Variants in CEP135 observed in about 807,000 individuals in gnomAD.
The protein encoded by CEP135 is centrosomal protein 135, also known as centrosomal protein of 135 kDa.
Under a neutral mutation model 157.3 loss-of-function variants are expected in CEP135, and 142 were observed. The ratio of observed to expected loss-of-function variants is 0.90; its 90% CI spans 0.79 to 1.04. The LOEUF (loss-of-function observed/expected upper bound fraction) is 1.04. Ranked by LOEUF, CEP135 falls within the 50% of genes least tolerant of loss-of-function variation. The pLI, the probability that CEP135 is intolerant of heterozygous loss-of-function variation, is 0.00. For missense variants in CEP135, 1,317 were observed against 1,309.2 expected, an observed-to-expected ratio of 1.01 and a Z score of -0.09; for synonymous variants, 396 against 439.8, an observed-to-expected ratio of 0.90 and a Z score of 1.25.
chr4:55,990,407 T>G (rs1384871050), intron 14 of CEP135, among the ~76,000 whole-genome samples: 1 of 152,178 alleles, frequency 6.6e-6, no homozygotes, highest in Non-Finnish European at 1.5e-5. Flanking sequence ...TAAATGTAGG[T>G]CATTTTCCCA....
chr4:55,985,350 AATC>A lies in CEP135; in HGVS notation c.1854_1856del (p.His618del), dbSNP rs767962620. The A allele has an allele frequency of 1.9e-6, 3 of 1,578,834 alleles. No homozygotes were observed. The highest frequency in any genetic ancestry group is 1.3e-5 in the African/African-American group (1 of 74,328). Reference sequence around the variant, plus strand: ...AACTATTGAACATTTGACATGTGTTAATCATCAGGTAATGTATCAAACTGGATT... The same window carrying A: ...AACTATTGAACATTTGACATGTGTTAATCAGGTAATGTATCAAACTGGATT... On this transcript the variant is annotated inframe_deletion, in exon 14 of 26. Coordinates refer to ENST00000257287, the MANE Select transcript of CEP135 (RefSeq NM_025009.5).
At chr4:55,951,529 G>A (rs961881898) in intron 1 of CEP135, among the ~76,000 whole-genome samples, 6 of 152,156 alleles carry the variant, frequency 3.9e-5, no homozygotes, top group Admixed American at 1.3e-4. Flanking sequence ...AGACACCTAT[G>A]CGAGGTGTCT....
rs776861173 is a variant in CEP135, at chr4:55,965,663, C to T, written c.848C>T (p.Ala283Val). The T allele has an allele frequency of 2.5e-6, 4 of 1,606,950 alleles. No homozygotes were observed. In the Admixed American group the frequency reaches 5.1e-5, roughly 21 times the overall value. Residue 283 changes from alanine to valine, a missense_variant, in exon 8 of 26, where the codon GCT becomes GTT. Transcript: ENST00000257287. ...ATTTAGGTTGACTTTCTTCAGCAAGCTAATAAAGACCTGGAGAAGCGTATA... is the reference window on the plus strand; with the variant it reads ...ATTTAGGTTGACTTTCTTCAGCAAGTTAATAAAGACCTGGAGAAGCGTATA... ...LNIQVDFLQQANKDLEKRIRE... is the reference protein window; with the variant it reads ...LNIQVDFLQQVNKDLEKRIRE...
intron 17 of CEP135, among the ~76,000 whole-genome samples, chr4:56,001,551 A>T (rs558662039): frequency 5.9e-5 from 9 of 152,320 alleles, no homozygotes; most frequent in African/African-American, 2.2e-4. Context: ...ATCTTGTTGA[A>T]AATGAGTTGG....
At chr4:55,995,586 A>G (rs1187318924) in intron 15 of CEP135, among the ~76,000 whole-genome samples, 1 of 152,230 alleles carries the variant, frequency 6.6e-6, no homozygotes, top group Non-Finnish European at 1.5e-5. Flanking sequence ...TGTGGTATGG[A>G]CACTGAAATT....
intron 17 of CEP135, among the ~76,000 whole-genome samples, chr4:56,003,788 A>T (rs1025567044): frequency 6.6e-6 from 1 of 151,598 alleles, no homozygotes; most frequent in Non-Finnish European, 1.5e-5. Context: ...TAGCAAGATC[A>T]TGGCTCATTG....
intron 6 of CEP135, among the ~76,000 whole-genome samples, chr4:55,962,395 C>T (rs543475635): frequency 7.9e-5 from 12 of 152,156 alleles, no homozygotes; most frequent in Admixed American, 3.3e-4. Flanking sequence ...CCACTATGCC[C>T]GGCCAAAAAA....
intron 7 of CEP135, chr4:55,965,175 G>A (rs1369171705): frequency 6.6e-6 from 1 of 152,494 alleles, no homozygotes; most frequent in African/African-American, 2.4e-5. Context: ...ACCCCAGTAT[G>A]TCCAAAATAT....
At chr4:55,967,314 A>G (rs982213146) in intron 8 of CEP135, among the ~76,000 whole-genome samples, 2 of 152,212 alleles carry the variant, frequency 1.3e-5, no homozygotes, top group African/African-American at 2.4e-5. Context: ...TTTATTGGAA[A>G]TACATCTCTT....
intron 13 of CEP135, among the ~76,000 whole-genome samples, chr4:55,983,490 C>T (rs1427798833): frequency 1.3e-5 from 2 of 152,154 alleles, no homozygotes; most frequent in Non-Finnish European, 2.9e-5. Context: ...CCTGAAAGCT[C>T]ATATCTCTCA....
At chr4:56,000,054 G>T (rs1454177472) in intron 17 of CEP135, among the ~76,000 whole-genome samples, 1 of 152,056 alleles carries the variant, frequency 6.6e-6, no homozygotes, top group African/African-American at 2.4e-5. Flanking sequence ...AGCTAGGTGT[G>T]GTGGTGTGCA....
At chr4:55,977,929 GATAA>G (rs576382881) in intron 11 of CEP135, among the ~76,000 whole-genome samples, 4 of 152,272 alleles carry the variant, frequency 2.6e-5, no homozygotes, top group Non-Finnish European at 5.9e-5. Context: ...CAGTTCAGAA[GATAA>G]ATACTGAGTG....
intron 13 of CEP135, among the ~76,000 whole-genome samples, chr4:55,982,616 G>A (rs1729449378): frequency 6.6e-6 from 1 of 151,908 alleles, no homozygotes; most frequent in South Asian, 2.1e-4. Flanking sequence ...TTTTAAATTG[G>A]GTTGTCTCAT....
chr4:55,995,330 G>A (rs1214219754), intron 15 of CEP135, among the ~76,000 whole-genome samples: 2 of 152,042 alleles, frequency 1.3e-5, no homozygotes, highest in Non-Finnish European at 2.9e-5. Flanking sequence ...TGTCTGTTTT[G>A]TTTTGTTTTA....
At chr4:56,012,381 T>C (rs1730618819) in intron 21 of CEP135, among the ~76,000 whole-genome samples, 1 of 152,186 alleles carries the variant, frequency 6.6e-6, no homozygotes, top group Non-Finnish European at 1.5e-5. Flanking sequence ...TGACCTGAGG[T>C]CGTAAACATT....
rs369763794 is a variant in CEP135, at chr4:56,032,506, A to G, written c.*1158A>G. 8 of 152,230 alleles carry G rather than the reference A, an allele frequency of 5.3e-5. No homozygotes were observed. The South Asian group carries it at 1.2e-3, about 24-fold the overall frequency. The allele number at this position is 152,230 out of a possible 1,614,324, so 9.4% of individuals were successfully genotyped here. ...CAGTAAAACGTTTTGTTAAATTCCA[A>G]TATACATTCAGTGATACCACTCTTT... On this transcript the variant is annotated 3_prime_UTR_variant, in exon 26 of 26. Transcript: ENST00000257287.
chr4:56,015,375 A>G (rs1730737015), intron 21 of CEP135, among the ~76,000 whole-genome samples: 1 of 152,188 alleles, frequency 6.6e-6, no homozygotes, highest in Admixed American at 6.5e-5. Context: ...ACCAAGGGCA[A>G]CTCAGAGGCT....
intron 17 of CEP135, among the ~76,000 whole-genome samples, chr4:56,005,531 A>G (rs944947274): frequency 1.3e-5 from 2 of 152,152 alleles, no homozygotes; most frequent in African/African-American, 4.8e-5. Context: ...TAATTTACAG[A>G]TTTGTATATT....
intron 15 of CEP135, among the ~76,000 whole-genome samples, chr4:55,993,160 T>G (rs1382261449): frequency 6.6e-6 from 1 of 151,964 alleles, no homozygotes; most frequent in Non-Finnish European, 1.5e-5. Flanking sequence ...GAAAACTGAG[T>G]TGGTGAAATA....
Sources: gnomAD v4.1 joint callset for allele counts (sites outside exome capture counted in the v4.1 genomes callset) on GRCh38, gnomAD v4.1.1 for gene constraint, MANE v1.5 for transcripts, NCBI Gene and HGNC (gene_info 2026-07-23, HGNC 2026-07-21) for gene names.